RNF145: variants seen among roughly 807,000 people sequenced by gnomAD.
The protein encoded by RNF145 is ring finger protein 145.
In RNF145, 12 loss-of-function variants were observed where a neutral mutation model predicts 57.3. The ratio of observed to expected loss-of-function variants is 0.21; its 90% CI spans 0.13 to 0.34. The LOEUF (loss-of-function observed/expected upper bound fraction) is 0.34. Ranked by LOEUF, RNF145 falls within the 10% of genes least tolerant of loss-of-function variation. The probability of loss-of-function intolerance (pLI) is 1.00; values close to 1 mark genes in which losing one functional copy is unlikely to be tolerated. For missense variants in RNF145, 429 were observed against 799.0 expected, an observed-to-expected ratio of 0.54 and a Z score of 5.58; for synonymous variants, 262 against 288.3, an observed-to-expected ratio of 0.91 and a Z score of 0.92.
rs182620212 is a variant in RNF145 at position 159,207,605 on chromosome 5, A to G, written c.-40+1626T>C. The G allele has an allele frequency of 1.1e-5, 17 of 1,594,822 alleles. No homozygotes were observed. In the African/African-American group the frequency reaches 2.0e-4, roughly 19 times the overall value. On this transcript the variant is annotated intron_variant, in intron 1 of 10. Transcript: ENST00000424310. ...GGTAGGCCTCACTGAAAATGTTAAGAGCACAAAGCTAGAGCCTAAAATTCT... is the reference window on the plus strand; with the variant it reads ...GGTAGGCCTCACTGAAAATGTTAAGGGCACAAAGCTAGAGCCTAAAATTCT...
intron 1 of RNF145, chr5:159,207,587 C>T (rs1369704444): frequency 1.3e-6 from 2 of 1,593,294 alleles, no homozygotes; most frequent in African/African-American, 2.7e-5. Context: ...GATGGTAGGC[C>T]TCACTGAAAA....
intron 10 of RNF145, 71 bp from the exon 11 acceptor site, chr5:159,159,106 T>C (rs763053875): frequency 1.5e-5 from 22 of 1,426,914 alleles, no homozygotes; most frequent in Non-Finnish European, 2.1e-5. Context: ...TCCCCAAAGT[T>C]CTGGTTCTAA....
chr5:159,179,487 A>G lies in RNF145; in HGVS notation c.385+2473T>C, dbSNP rs368248563. On this transcript the variant is annotated intron_variant, in intron 4 of 10. Transcript: ENST00000424310. ...AAGTTTGTTACTGAAATGAAGAAAA[A>G]CACCAGAAAATTATTTTAAAATCTA... Among the ~76,000 whole-genome samples, 432 of 152,182 alleles carry G rather than the reference A, an allele frequency of 2.8e-3. 3 individuals carry two copies. Among genetic ancestry groups the G allele is most frequent in the African/African-American group, 9.8e-3 (406 of 41,566 alleles).
chr5:159,199,301 T>C (rs1385205587), intron 2 of RNF145, among the ~76,000 whole-genome samples: 1 of 151,218 alleles, frequency 6.6e-6, no homozygotes, highest in Non-Finnish European at 1.5e-5. Flanking sequence ...TAAACACAAA[T>C]TGTGGGCAAT....
chr5:159,159,973 T>A (rs959572406), intron 10 of RNF145, among the ~76,000 whole-genome samples: 4 of 152,176 alleles, frequency 2.6e-5, no homozygotes, highest in African/African-American at 9.7e-5. Context: ...AGCAGCCAGC[T>A]GGGAAGCTAA....
At chr5:159,169,597 A>G in intron 7 of RNF145, 82 bp downstream of exon 7, 1 of 1,216,856 alleles carries the variant, frequency 8.2e-7, no homozygotes, top group Non-Finnish European at 1.1e-6. Flanking sequence ...TCTAAAATTC[A>G]TCAGCCAAAG....
intron 8 of RNF145, among the ~76,000 whole-genome samples, chr5:159,164,335 A>G (rs1584663216): frequency 6.6e-6 from 1 of 152,342 alleles, no homozygotes; most frequent in East Asian, 1.9e-4. Context: ...AAAGAAAGGC[A>G]GTAGCTGTAC....
chr5:159,204,392 G>C (rs1218137143), intron 1 of RNF145, among the ~76,000 whole-genome samples: 3 of 151,926 alleles, frequency 2.0e-5, no homozygotes, highest in Admixed American at 6.6e-5. Flanking sequence ...GTAGTGGGGG[G>C]GGGCAGGGGG....
intron 1 of RNF145, among the ~76,000 whole-genome samples, chr5:159,204,758 C>T (rs960231813): frequency 1.7e-5 from 2 of 119,726 alleles, no homozygotes; most frequent in African/African-American, 6.5e-5. Context: ...GAGCAGAGAT[C>T]ACAATACTGC....
chr5:159,189,477 T>C (rs192785929), intron 3 of RNF145, among the ~76,000 whole-genome samples: 221 of 152,282 alleles, frequency 1.5e-3, no homozygotes, highest in Admixed American at 3.0e-3. Flanking sequence ...TGTAGACAAA[T>C]TGGAAGCCTC....
intron 2 of RNF145, among the ~76,000 whole-genome samples, chr5:159,202,133 C>T (rs1785690237): frequency 6.6e-6 from 1 of 152,264 alleles, no homozygotes; most frequent in Admixed American, 6.5e-5. Context: ...CAATTGTACT[C>T]GAAAACATTC....
intron 3 of RNF145, among the ~76,000 whole-genome samples, chr5:159,187,391 G>A (rs1406064475): frequency 3.3e-5 from 5 of 151,490 alleles, no homozygotes; most frequent in African/African-American, 4.9e-5. Flanking sequence ...GGAATGGCAC[G>A]ATCTCAGCTC....
chr5:159,161,721 T>C, intron 9 of RNF145, 99 bp from the exon 10 acceptor site: 1 of 729,288 alleles, frequency 1.4e-6, no homozygotes, highest in South Asian at 1.9e-5. Context: ...GTTTTTAGGG[T>C]GCAATATTTC....
chr5:159,179,212 C>A (rs1784803558), intron 4 of RNF145, among the ~76,000 whole-genome samples: 1 of 151,866 alleles, frequency 6.6e-6, no homozygotes, highest in Non-Finnish European at 1.5e-5. Flanking sequence ...ACTCATATGG[C>A]GTATTTAAGA....
chr5:159,176,273 G>A (rs906930261), intron 5 of RNF145, among the ~76,000 whole-genome samples: 1 of 152,032 alleles, frequency 6.6e-6, no homozygotes, highest in East Asian at 1.9e-4. Context: ...TTGTCTGCCT[G>A]GTACTAAACT....
At position 159,203,469 on chromosome 5, in the gene RNF145, T is replaced by C; in HGVS notation, c.149A>G (p.Gln50Arg). ...RSSLSNNPLF[Q>R]YKYLALNMHY... ...CATATTAAGAGCCAAATACTTATACTGGAAAAGAGGGTTATTACTAAGGCT... is the reference window on the plus strand; with the variant it reads ...CATATTAAGAGCCAAATACTTATACCGGAAAAGAGGGTTATTACTAAGGCT... Residue 50 changes from glutamine (Q) to arginine (R), a missense_variant, in exon 2 of 11, where the codon CAG becomes CGG. Gln to Arg is a conservative substitution (Grantham distance 43). Transcript: ENST00000424310. 6.2e-7 allele frequency: 1 copy of C among 1,614,016 alleles called. No homozygotes were observed. The highest frequency in any genetic ancestry group is 8.5e-7 in the Non-Finnish European group (1 of 1,179,910).
chr5:159,199,462 T>C (rs1785587919), intron 2 of RNF145, among the ~76,000 whole-genome samples: 1 of 152,054 alleles, frequency 6.6e-6, no homozygotes, highest in African/African-American at 2.4e-5. Flanking sequence ...GTCTGTAGAA[T>C]TAGGACATAA....
rs1340250961 is a variant in RNF145, at chr5:159,169,018, C to A, written c.976G>T (p.Val326Leu). ...TEGVTLLILAVQTGLIELQVV... is the reference protein window; with the variant it reads ...TEGVTLLILALQTGLIELQVV... ...TGCAGTTCTATCAGCCCAGTCTGCA[C>A]TGCCAGGATTAACAGCGTTACTCCT... The change falls in exon 8 of 11, where the codon GTG becomes TTG. Residue 326 changes from valine to leucine, a missense_variant. Around this residue, in one of 4 missense-constraint regions of RNF145, gnomAD observed 216 missense variants for 457.6 expected, o/e 0.47. Transcript: ENST00000424310. 3 of 1,596,856 alleles carry A rather than the reference C, an allele frequency of 1.9e-6. No individual in the cohort carries two copies. The highest frequency in any genetic ancestry group is 1.7e-4 in the Middle Eastern group (1 of 5,992).
At chr5:159,205,040 T>C (rs1785825260) in intron 1 of RNF145, among the ~76,000 whole-genome samples, 1 of 152,176 alleles carries the variant, frequency 6.6e-6, no homozygotes, top group East Asian at 1.9e-4. Flanking sequence ...TTTGTCAGTA[T>C]TTCCATCTTA....
Sources: gnomAD v4.1 joint callset for allele counts (sites outside exome capture counted in the v4.1 genomes callset) on GRCh38, gnomAD v4.1.1 for gene constraint, gnomAD v4.1.1 regional missense constraint, MANE v1.5 for transcripts, NCBI Gene and HGNC (gene_info 2026-07-23, HGNC 2026-07-21) for gene names.